The following CCSER1 variants were observed in gnomAD, a reference collection of about 807,000 sequenced individuals.
CCSER1 encodes the protein coiled-coil serine rich protein 1, also known as serine-rich coiled-coil domain-containing protein 1.
A neutral mutation model predicts 82.0 loss-of-function variants in CCSER1; 41 were observed. That is an observed-to-expected ratio of 0.50 (90% CI 0.39 to 0.65). The LOEUF is 0.65. CCSER1 is among the 30% of genes least tolerant of loss of function. The pLI is 0.00. For synonymous variants in CCSER1, 414 were observed against 383.9 expected (o/e 1.08, Z -0.92); for missense variants, 1,119 against 1,064.2 (o/e 1.05, Z -0.72).
chr4:90,223,112 C>T (rs1297256966), intron 1 of CCSER1, among the ~76,000 whole-genome samples: 1 of 152,172 alleles, frequency 6.6e-6, no homozygotes, highest in Non-Finnish European at 1.5e-5. Flanking sequence ...CATCTCCCTT[C>T]TGTTCCCCCA....
At chr4:90,149,642 A>G (rs1248227457) in intron 1 of CCSER1, among the ~76,000 whole-genome samples, 1 of 152,162 alleles carries the variant, frequency 6.6e-6, no homozygotes, top group Non-Finnish European at 1.5e-5. Flanking sequence ...CCTCTATATG[A>G]CAATTTTGGA....
intron 10 of CCSER1, among the ~76,000 whole-genome samples, chr4:91,407,984 T>C (rs1203728567): frequency 1.3e-5 from 2 of 152,076 alleles, no homozygotes; most frequent in African/African-American, 2.4e-5. Flanking sequence ...TGAGGGCTGT[T>C]GATGCTCCTG....
chr4:91,268,958 AATT>A (rs1324319062), intron 10 of CCSER1, among the ~76,000 whole-genome samples: 1 of 152,190 alleles, frequency 6.6e-6, no homozygotes, highest in Non-Finnish European at 1.5e-5. Flanking sequence ...AGGCCTGACA[AATT>A]ATTCTTGAAA....
At chr4:91,251,094 GA>G (rs1227256279) in intron 10 of CCSER1, among the ~76,000 whole-genome samples, 14 of 152,178 alleles carry the variant, frequency 9.2e-5, no homozygotes, top group African/African-American at 3.4e-4. Context: ...GAAACAATGA[GA>G]ATCTGTCAAA....
At chr4:90,659,084 CT>C (rs3042301) in intron 6 of CCSER1, among the ~76,000 whole-genome samples, 15,488 of 137,968 alleles carry the variant, frequency 0.11, 852 homozygotes, top group East Asian at 0.16. Flanking sequence ...TATGAGAGGG[CT>C]TTTTTTTTTT....
At chr4:90,345,954 C>CT (rs1742255180) in intron 3 of CCSER1, among the ~76,000 whole-genome samples, 1 of 151,896 alleles carries the variant, frequency 6.6e-6, no homozygotes, top group African/African-American at 2.4e-5. Flanking sequence ...TTGGCTCTAC[C>CT]TGTCTTCATA....
At chr4:90,763,239 C>T (rs550214870) in intron 7 of CCSER1, among the ~76,000 whole-genome samples, 7 of 152,010 alleles carry the variant, frequency 4.6e-5, no homozygotes, top group Admixed American at 2.0e-4. Context: ...TTAGTTCCAC[C>T]TATTGAGTAC....
At chr4:90,250,148 A>G (rs1210120966) in intron 1 of CCSER1, among the ~76,000 whole-genome samples, 2 of 152,064 alleles carry the variant, frequency 1.3e-5, no homozygotes, top group East Asian at 1.9e-4. Flanking sequence ...TATTAGATCT[A>G]TGGTTTGCGA....
At chr4:90,840,037 T>G (rs981680861) in intron 8 of CCSER1, among the ~76,000 whole-genome samples, 1 of 151,982 alleles carries the variant, frequency 6.6e-6, no homozygotes, top group African/African-American at 2.4e-5. Context: ...ATACAATATA[T>G]GTTATATAAT....
At chr4:90,575,335 G>A (rs1013839093) in intron 5 of CCSER1, among the ~76,000 whole-genome samples, 2 of 152,184 alleles carry the variant, frequency 1.3e-5, no homozygotes, top group African/African-American at 4.8e-5. Context: ...AAGAGTGTGA[G>A]GGCGAGAGTA....
chr4:90,864,640 A>G (rs755434689), intron 8 of CCSER1, among the ~76,000 whole-genome samples: 94 of 152,162 alleles, frequency 6.2e-4, no homozygotes, highest in Non-Finnish European at 1.2e-3. Flanking sequence ...GTATTCTCTT[A>G]TAGCAGCACA....
chr4:90,291,299 T>TA lies in CCSER1; in HGVS notation c.-41-16944dup, dbSNP rs548310911. 5.7e-3 allele frequency among the ~76,000 whole-genome samples: 874 copies of TA among 152,128 alleles called. 8 individuals carry two copies. The highest frequency in any genetic ancestry group is 0.02 in the African/African-American group (849 of 41,534). On this transcript the variant is annotated intron_variant, in intron 1 of 10. Coordinates refer to ENST00000509176, the MANE Select transcript of CCSER1 (RefSeq NM_001145065.2). ...TTAACTAGTTTAGGTTTCCATTTATTATCCTCAAAAAACAAGTTCATTTTC... is the reference window on the plus strand; with the variant it reads ...TTAACTAGTTTAGGTTTCCATTTATTAATCCTCAAAAAACAAGTTCATTTTC...
At chr4:90,430,393 A>G (rs1758107989) in intron 4 of CCSER1, among the ~76,000 whole-genome samples, 1 of 151,954 alleles carries the variant, frequency 6.6e-6, no homozygotes, top group Admixed American at 6.6e-5. Flanking sequence ...GTCTTTGTAA[A>G]TGTGGAGTCA....
intron 10 of CCSER1, among the ~76,000 whole-genome samples, chr4:91,442,597 G>A (rs1474137006): frequency 7.3e-6 from 1 of 137,114 alleles, no homozygotes; most frequent in Non-Finnish European, 1.6e-5. Context: ...AAAAGCAATG[G>A]CAACAAAAGC....
chr4:91,405,295 T>A (rs1752626422), intron 10 of CCSER1, among the ~76,000 whole-genome samples: 1 of 151,944 alleles, frequency 6.6e-6, no homozygotes, highest in African/African-American at 2.4e-5. Flanking sequence ...TTACACCTTA[T>A]ACAAAAATTA....
intron 10 of CCSER1, among the ~76,000 whole-genome samples, chr4:91,404,079 T>C (rs1005163748): frequency 1.3e-5 from 2 of 152,152 alleles, no homozygotes; most frequent in Non-Finnish European, 2.9e-5. Context: ...TCAGAGCCTG[T>C]TATTGCTCTA....
At chr4:91,540,954 G>A (rs1441040530) in intron 10 of CCSER1, among the ~76,000 whole-genome samples, 1 of 152,080 alleles carries the variant, frequency 6.6e-6, no homozygotes, top group East Asian at 1.9e-4. Context: ...TAGCTTCCTA[G>A]TAAGTCTTGA....
In CCSER1 at chr4:90,243,643, C is replaced by A. The variant is rs139280220; in HGVS notation, c.-41-64601C>A. 5.5e-3 allele frequency among the ~76,000 whole-genome samples: 835 copies of A among 152,170 alleles called. 5 individuals are homozygous for A. The highest frequency in any genetic ancestry group is 8.3e-3 in the Non-Finnish European group (566 of 68,004). On this transcript the variant is annotated intron_variant, in intron 1 of 10. Coordinates refer to ENST00000509176, the MANE Select transcript of CCSER1 (RefSeq NM_001145065.2). ...CCTCAAACAATCCTACAGTCTCAAC[C>A]TCCCAAAGCGCTGGGGTTACAGACA...
chr4:90,930,107 T>C (rs1729547342), intron 9 of CCSER1, among the ~76,000 whole-genome samples: 1 of 152,210 alleles, frequency 6.6e-6, no homozygotes, highest in Non-Finnish European at 1.5e-5. Flanking sequence ...TGCTGAAAAT[T>C]ATGTTGTGGT....
Sources: allele counts gnomAD v4.1 joint callset (sites outside exome capture counted in the v4.1 genomes callset), GRCh38; gene constraint gnomAD v4.1.1; transcripts MANE v1.5; gene names NCBI Gene and HGNC (gene_info 2026-07-23, HGNC 2026-07-21).